PRKCE: variants seen among roughly 807,000 people sequenced by gnomAD.
The protein encoded by PRKCE is protein kinase C epsilon type.
PRKCE carries 16 observed loss-of-function variants against 85.4 expected under a neutral mutation model. That is an observed-to-expected ratio of 0.19 (90% CI 0.13 to 0.28). The LOEUF is 0.28. PRKCE is among the 10% of genes least tolerant of loss of function. The pLI is 1.00. For missense variants in PRKCE, 573 were observed against 975.2 expected (o/e 0.59, Z 5.49); for synonymous variants, 388 against 371.5 (o/e 1.04, Z -0.51).
intron 1 of PRKCE, chr2:45,700,735 G>A (rs1330009134): frequency 4.6e-5 from 7 of 152,202 alleles, no homozygotes; most frequent in African/African-American, 1.7e-4. Flanking sequence ...TTATTTGGAA[G>A]CAGGGTCTTT....
chr2:45,939,615 C>T (rs563281776), intron 2 of PRKCE, among the ~76,000 whole-genome samples: 70 of 151,632 alleles, frequency 4.6e-4, no homozygotes, highest in Non-Finnish European at 7.9e-4. Flanking sequence ...AGTGCAGTGG[C>T]GCAATCTCAG....
At chr2:45,972,346 T>G (rs1702165077) in intron 2 of PRKCE, among the ~76,000 whole-genome samples, 1 of 152,238 alleles carries the variant, frequency 6.6e-6, no homozygotes, top group Non-Finnish European at 1.5e-5. Context: ...TGGGAGTTTC[T>G]TATGTATTTT....
At chr2:45,941,065 TAAAA>T (rs397781944) in intron 2 of PRKCE, among the ~76,000 whole-genome samples, 3 of 67,162 alleles carry the variant, frequency 4.5e-5, no homozygotes, top group African/African-American at 1.8e-4. Flanking sequence ...GACTTCATCC[TAAAA>T]AAAAAAAAAA....
chr2:45,674,302 A>G (rs868517733), intron 1 of PRKCE, among the ~76,000 whole-genome samples: 1 of 152,196 alleles, frequency 6.6e-6, no homozygotes, highest in African/African-American at 2.4e-5. Context: ...AATGAGATAT[A>G]TAAGACTGGT....
intron 1 of PRKCE, among the ~76,000 whole-genome samples, chr2:45,772,390 A>T (rs572929111): frequency 6.6e-6 from 1 of 152,116 alleles, no homozygotes; most frequent in Non-Finnish European, 1.5e-5. Flanking sequence ...AGAAGTAAGG[A>T]GGGATTTAGG....
chr2:46,033,429 G>T lies in PRKCE; in HGVS notation c.1437+22912G>T, dbSNP rs537176961. 1.2e-4 allele frequency among the ~76,000 whole-genome samples: 18 copies of T among 152,306 alleles called. No homozygotes were observed. The East Asian group carries it at 3.5e-3, about 29-fold the overall frequency. On this transcript the variant is annotated intron_variant, in intron 10 of 14. Coordinates refer to ENST00000306156, the MANE Select transcript of PRKCE (RefSeq NM_005400.3). The stretch of plus-strand genomic sequence containing the variant: ...CTATTGCATTGTCCCTCATGGCAGG[G>T]TTCTTAAACATTAGTGTTTTTGGAT...
chr2:45,844,856 A>G (rs1011566736), intron 2 of PRKCE, among the ~76,000 whole-genome samples: 3 of 152,254 alleles, frequency 2.0e-5, no homozygotes. Flanking sequence ...TAAATAAATC[A>G]GAAGCAATTG....
Position 45,717,359 on chromosome 2 carries a change from C to G in PRKCE, c.348+64911C>G, listed in dbSNP as rs144760218. On this transcript the variant is annotated intron_variant, in intron 1 of 14. Transcript: ENST00000306156. ...CTCTCTGTCTGTCTTCTTACCCCCT[C>G]TCTCTCAATCAATCATCTATCTCCC... Among the ~76,000 whole-genome samples the G allele has an allele frequency of 1.9e-3, 282 of 152,342 alleles. 2 individuals carry two copies. The highest frequency in any genetic ancestry group is 6.7e-3 in the African/African-American group (277 of 41,576).
chr2:46,102,361 G>C (rs1266099356), intron 11 of PRKCE, among the ~76,000 whole-genome samples: 2 of 152,198 alleles, frequency 1.3e-5, no homozygotes. Flanking sequence ...ATAAATTTCA[G>C]ATGTCTTTAA....
At chr2:46,091,301 C>T (rs529468475) in intron 11 of PRKCE, among the ~76,000 whole-genome samples, 2 of 152,188 alleles carry the variant, frequency 1.3e-5, no homozygotes, top group African/African-American at 4.8e-5. Flanking sequence ...GTGGGCTTTC[C>T]GTCCAAGGTT....
chr2:46,120,001 A>G (rs553864271), intron 11 of PRKCE, among the ~76,000 whole-genome samples: 10 of 138,586 alleles, frequency 7.2e-5, no homozygotes, highest in Admixed American at 1.4e-4. Flanking sequence ...CCTTTTGGAG[A>G]TGCTATGCTT....
intron 2 of PRKCE, among the ~76,000 whole-genome samples, chr2:45,949,655 T>A (rs915063575): frequency 2.0e-5 from 3 of 152,230 alleles, no homozygotes; most frequent in African/African-American, 7.2e-5. Flanking sequence ...TGTTTATTTT[T>A]TAAATAAAAG....
intron 2 of PRKCE, among the ~76,000 whole-genome samples, chr2:45,875,157 C>G (rs957545175): frequency 1.3e-5 from 2 of 152,076 alleles, no homozygotes; most frequent in African/African-American, 4.8e-5. Context: ...TTAGGCAGTT[C>G]CAGGTGAGAC....
chr2:45,756,034 A>G (rs944162418), intron 1 of PRKCE, among the ~76,000 whole-genome samples: 13 of 152,216 alleles, frequency 8.5e-5, no homozygotes, highest in African/African-American at 1.2e-4. Flanking sequence ...GCTGGGAACC[A>G]CTGGCTTCTG....
intron 1 of PRKCE, among the ~76,000 whole-genome samples, chr2:45,784,617 G>A (rs553359341): frequency 6.6e-6 from 1 of 152,178 alleles, no homozygotes; most frequent in East Asian, 1.9e-4. Context: ...TAAGAACAGG[G>A]CATCTCCTAG....
chr2:46,123,774 C>T (rs936114985), intron 11 of PRKCE, among the ~76,000 whole-genome samples: 1 of 152,248 alleles, frequency 6.6e-6, no homozygotes, highest in Non-Finnish European at 1.5e-5. Context: ...GCATGAGCCA[C>T]TGTGCCCTGC....
chr2:46,107,145 A>G (rs1041966764), intron 11 of PRKCE, among the ~76,000 whole-genome samples: 1 of 152,150 alleles, frequency 6.6e-6, no homozygotes, highest in Non-Finnish European at 1.5e-5. Flanking sequence ...TGCTTTACCT[A>G]TCCAACTCTC....
chr2:45,964,888 A>G (rs918337573), intron 2 of PRKCE, among the ~76,000 whole-genome samples: 6 of 152,156 alleles, frequency 3.9e-5, no homozygotes, highest in Non-Finnish European at 8.8e-5. Context: ...TATGTAGTGA[A>G]CACTAGCTGC....
intron 2 of PRKCE, among the ~76,000 whole-genome samples, chr2:45,855,488 G>C (rs1306700616): frequency 6.6e-6 from 1 of 152,200 alleles, no homozygotes; most frequent in Non-Finnish European, 1.5e-5. Context: ...AAGTGAAAAA[G>C]TCTGTAACAT....
Sources: gnomAD v4.1 joint callset for allele counts (sites outside exome capture counted in the v4.1 genomes callset) on GRCh38, gnomAD v4.1.1 for gene constraint, MANE v1.5 for transcripts, NCBI Gene and HGNC (gene_info 2026-07-23, HGNC 2026-07-21) for gene names.